KIAA1328: variants seen among roughly 807,000 people sequenced by gnomAD.
KIAA1328 encodes the protein KIAA1328.
Under a neutral mutation model 68.1 loss-of-function variants are expected in KIAA1328, and 52 were observed. The ratio of observed to expected loss-of-function variants is 0.76; its 90% CI spans 0.61 to 0.96. The LOEUF (loss-of-function observed/expected upper bound fraction) is 0.96, where lower values mean the gene tolerates loss of function less well. Ranked by LOEUF, KIAA1328 falls within the 40% of genes least tolerant of loss-of-function variation. The pLI, the probability that KIAA1328 is intolerant of heterozygous loss-of-function variation, is 0.00. For missense variants in KIAA1328, 641 were observed against 677.6 expected (o/e 0.95, Z 0.60); for synonymous variants, 232 against 239.4 (o/e 0.97, Z 0.28).
At chr18:36,931,660 A>G (rs2050315287) in intron 5 of KIAA1328, among the ~76,000 whole-genome samples, 1 of 151,880 alleles carries the variant, frequency 6.6e-6, no homozygotes, top group Non-Finnish European at 1.5e-5. Flanking sequence ...ATATATTTCA[A>G]TTTTTTATTC....
At chr18:36,968,015 A>G (rs368495515) in intron 6 of KIAA1328, among the ~76,000 whole-genome samples, 51 of 152,296 alleles carry the variant, frequency 3.3e-4, no homozygotes, top group African/African-American at 1.2e-3. Flanking sequence ...TTTGGAAAAC[A>G]TATTTCAGGA....
intron 6 of KIAA1328, among the ~76,000 whole-genome samples, chr18:36,985,709 A>G (rs2052892241): frequency 6.6e-6 from 1 of 152,126 alleles, no homozygotes; most frequent in East Asian, 1.9e-4. Flanking sequence ...ACACAAATTA[A>G]CTCATAAGGG....
intron 7 of KIAA1328, among the ~76,000 whole-genome samples, chr18:37,087,118 G>A (rs112459600): frequency 3.0e-4 from 45 of 152,108 alleles, no homozygotes; most frequent in African/African-American, 9.4e-4. Context: ...CAAGTTCAGC[G>A]GCACAATCAC....
intron 5 of KIAA1328, chr18:36,901,860 A>G (rs187514664): frequency 2.0e-5 from 3 of 152,214 alleles, no homozygotes; most frequent in Admixed American, 2.0e-4. Flanking sequence ...TCAGGAGGCA[A>G]CATAATTTTT....
At chr18:37,114,223 G>T (rs568801422) in intron 7 of KIAA1328, among the ~76,000 whole-genome samples, 8 of 152,056 alleles carry the variant, frequency 5.3e-5, no homozygotes, top group African/African-American at 1.9e-4. Context: ...TCAGCACCAC[G>T]TCGCACTTAT....
At chr18:37,114,112 T>G (rs1407565869) in intron 7 of KIAA1328, among the ~76,000 whole-genome samples, 1 of 151,958 alleles carries the variant, frequency 6.6e-6, no homozygotes, top group East Asian at 1.9e-4. Flanking sequence ...AGACAGAAAG[T>G]TAACGAGGAT....
intron 4 of KIAA1328, among the ~76,000 whole-genome samples, chr18:36,845,664 G>T (rs1294956996): frequency 6.6e-6 from 1 of 151,722 alleles, no homozygotes; most frequent in African/African-American, 2.4e-5. Context: ...AAAAAAAGGG[G>T]AAAAAGTGAC....
At chr18:36,952,662 A>G (rs16968416) in intron 5 of KIAA1328, among the ~76,000 whole-genome samples, 4,609 of 152,312 alleles carry the variant, frequency 0.03, 222 homozygotes, top group African/African-American at 0.11. Flanking sequence ...CTGCCTTTGT[A>G]CGTCTTATGC....
At chr18:36,864,203 A>G (rs539845156) in intron 4 of KIAA1328, among the ~76,000 whole-genome samples, 1 of 152,160 alleles carries the variant, frequency 6.6e-6, no homozygotes, top group South Asian at 2.1e-4. Flanking sequence ...TGATATGATT[A>G]CATGAGTTTT....
At chr18:36,888,675 A>G (rs868702500) in intron 5 of KIAA1328, among the ~76,000 whole-genome samples, 1 of 152,132 alleles carries the variant, frequency 6.6e-6, no homozygotes, top group Non-Finnish European at 1.5e-5. Context: ...TTCCAAGTAG[A>G]TTGCTCAGGT....
intron 5 of KIAA1328, chr18:36,885,925 C>G: frequency 2.3e-6 from 1 of 433,998 alleles, no homozygotes; most frequent in Admixed American, 4.3e-5. Flanking sequence ...CCTTGTTGGC[C>G]AGGCTGGTCT....
chr18:37,117,621 A>G (rs1223585839), intron 7 of KIAA1328, among the ~76,000 whole-genome samples: 1 of 152,174 alleles, frequency 6.6e-6, no homozygotes, highest in Non-Finnish European at 1.5e-5. Context: ...GTGCACATGT[A>G]CCCTAGAACT....
intron 6 of KIAA1328, among the ~76,000 whole-genome samples, chr18:37,045,389 AT>A (rs2055426608): frequency 1.3e-5 from 2 of 152,300 alleles, no homozygotes; most frequent in Admixed American, 1.3e-4. Context: ...GTCTTTCTGT[AT>A]AAATAGTGCT....
chr18:37,122,411 T>A (rs2058294332), intron 7 of KIAA1328, among the ~76,000 whole-genome samples: 1 of 152,054 alleles, frequency 6.6e-6, no homozygotes, highest in Non-Finnish European at 1.5e-5. Flanking sequence ...TGTAGCTGCA[T>A]GCAGACTTAG....
At chr18:37,122,222 G>A (rs889380383) in intron 7 of KIAA1328, among the ~76,000 whole-genome samples, 1 of 152,100 alleles carries the variant, frequency 6.6e-6, no homozygotes, top group African/African-American at 2.4e-5. Context: ...ATTTCAAGAA[G>A]AGAGTAATAA....
At chr18:37,109,532 T>G (rs907873310) in intron 7 of KIAA1328, among the ~76,000 whole-genome samples, 5 of 152,182 alleles carry the variant, frequency 3.3e-5, no homozygotes, top group Non-Finnish European at 5.9e-5. Flanking sequence ...TTTTTCAGGA[T>G]GTTAGATTAT....
Position 37,223,115 on chromosome 18 carries a change from C to G in KIAA1328, c.*888C>G. On this transcript the variant is annotated 3_prime_UTR_variant, in exon 10 of 10. Coordinates refer to ENST00000280020, the MANE Select transcript of KIAA1328 (RefSeq NM_020776.3). ...TCCATGGTTATGTCTACGGAAAATG[C>G]CACTAGAGAGAGAGTGATGCAAGCT... The G allele has an allele frequency of 1.0e-6, 1 of 961,090 alleles. No individual in the cohort carries two copies. Among genetic ancestry groups the G allele is most frequent in the Non-Finnish European group, 1.2e-6 (1 of 825,652 alleles). The allele number at this position is 961,090 out of a possible 1,614,324, so 59.5% of individuals were successfully genotyped here. A position where few individuals can be genotyped will look rare whatever the true frequency, so the allele number is the denominator to read the frequency against.
At chr18:36,872,658 A>G (rs1016550702) in intron 4 of KIAA1328, among the ~76,000 whole-genome samples, 11 of 152,348 alleles carry the variant, frequency 7.2e-5, no homozygotes, top group East Asian at 1.9e-4. Flanking sequence ...TTCAGTCTCT[A>G]CTTCCTACCC....
chr18:37,063,272 G>A (rs574337677), intron 6 of KIAA1328, among the ~76,000 whole-genome samples: 12 of 152,142 alleles, frequency 7.9e-5, no homozygotes, highest in Non-Finnish European at 1.6e-4. Flanking sequence ...TGATTGGCCC[G>A]CCCACAACAT....
Sources: gnomAD v4.1 joint callset for allele counts (sites outside exome capture counted in the v4.1 genomes callset) on GRCh38, gnomAD v4.1.1 for gene constraint, MANE v1.5 for transcripts, NCBI Gene and HGNC (gene_info 2026-07-23, HGNC 2026-07-21) for gene names.